The following ACVRL1 variants were observed in gnomAD, a reference collection of about 807,000 sequenced individuals.
ACVRL1 encodes activin A receptor like type 1.
A neutral mutation model predicts 51.9 loss-of-function variants in ACVRL1; 20 were observed. The observed-to-expected ratio is 0.39, with a 90% CI of 0.27 to 0.56. ACVRL1 has a LOEUF of 0.56. ACVRL1 is among the 20% of genes least tolerant of loss of function. ACVRL1 has a pLI of 0.67. For synonymous variants in ACVRL1, 288 were observed against 280.9 expected (o/e 1.03, Z -0.25); for missense variants, 451 against 670.3 (o/e 0.67, Z 3.61).
intron 1 of ACVRL1, among the ~76,000 whole-genome samples, chr12:51,911,059 A>G (rs1356131145): frequency 6.6e-6 from 1 of 152,232 alleles, no homozygotes; most frequent in African/African-American, 2.4e-5. Context: ...CAGCCCTGTC[A>G]GGCTCACCAT....
chr12:51,915,649 GT>G (rs1374673412), intron 7 of ACVRL1, 149 bp downstream of exon 7: 9 of 1,122,854 alleles, frequency 8.0e-6, no homozygotes, highest in Non-Finnish European at 9.9e-6. Context: ...GACCCCACGA[GT>G]TGTCTGAACA....
At chr12:51,914,170 AGGCCTG>A in intron 5 of ACVRL1, 97 bp downstream of exon 5, 2 of 1,373,200 alleles carry the variant, frequency 1.5e-6, no homozygotes, top group South Asian at 2.5e-5. Context: ...AGGCGGTGCC[AGGCCTG>A]GGTCAGAATT....
At chr12:51,914,221 G>A (rs570038858) in intron 5 of ACVRL1, 148 bp downstream of exon 5, 3 of 1,190,444 alleles carry the variant, frequency 2.5e-6, no homozygotes, top group African/African-American at 3.0e-5. Flanking sequence ...GCTGGAGACG[G>A]GCCAGGGCTA....
At chr12:51,919,376 T>C in intron 9 of ACVRL1, 1 of 484,548 alleles carries the variant, frequency 2.1e-6, no homozygotes, top group Non-Finnish European at 3.7e-6. Flanking sequence ...TGTGTGTGTG[T>C]GTGTGTGTGT....
intron 1 of ACVRL1, 38 bp from the exon 2 acceptor site, chr12:51,912,432 C>T: frequency 1.2e-6 from 2 of 1,611,096 alleles, no homozygotes; most frequent in African/African-American, 2.7e-5. Flanking sequence ...TGTCACACTT[C>T]ATGGCTCTTA....
rs943040923 is a variant in ACVRL1 at position 51,913,228 on chromosome 12, A to C, written c.191A>C (p.Gln64Pro). Reference protein sequence around the residue: ...VLVREEGRHPQEHRGCGNLHR... With the variant: ...VLVREEGRHPPEHRGCGNLHR... The stretch of plus-strand genomic sequence containing the variant: ...GTGCGGGAGGAGGGGAGGCACCCCC[A>C]GGAACATCGGGGCTGCGGGAACTTG... Residue 64 changes from glutamine to proline, a missense_variant, in exon 3 of 10, where the codon CAG (glutamine) becomes CCG (proline). Around this residue, in one of 2 missense-constraint regions of ACVRL1, gnomAD observed 192 missense variants for 216.9 expected, o/e 0.89. Transcript: ENST00000388922. 3.8e-6 allele frequency: 6 copies of C among 1,590,178 alleles called. No individual in the cohort carries two copies. The highest frequency in any genetic ancestry group is 5.1e-6 in the Non-Finnish European group (6 of 1,168,754).
rs551439415 is a variant in ACVRL1, at chr12:51,914,704, A to T, written c.772+119A>T. 95 of 704,522 alleles carry T rather than the reference A, an allele frequency of 1.3e-4. No homozygotes were observed. The African/African-American group carries it at 1.6e-3, about 12-fold the overall frequency. The allele number at this position is 704,522 out of a possible 1,614,324, so 43.6% of individuals were successfully genotyped here. On this transcript the variant is annotated intron_variant, in intron 6 of 9. Coordinates refer to ENST00000388922, the MANE Select transcript of ACVRL1 (RefSeq NM_000020.3). Reference sequence around the variant, plus strand: ...GAAGGACTCTCAGCCCACCTGCAGCATCAACCTCTTTTTTTAATTTAATTT... The same window carrying T: ...GAAGGACTCTCAGCCCACCTGCAGCTTCAACCTCTTTTTTTAATTTAATTT...
At chr12:51,915,992 C>T (rs1940828924) in intron 7 of ACVRL1, 44 bp from the exon 8 acceptor site, 1 of 1,590,722 alleles carries the variant, frequency 6.3e-7, no homozygotes, top group Admixed American at 1.7e-5. Flanking sequence ...CCCTGGATCC[C>T]AGGTTTGGGA....
At position 51,919,369 on chromosome 12, in the gene ACVRL1, G is replaced by C. The variant is rs1247462470; in HGVS notation, c.1377+254G>C. 255 of 371,670 alleles carry C rather than the reference G, an allele frequency of 6.9e-4. 2 individuals are homozygous for C. Among genetic ancestry groups the C allele is most frequent in the South Asian group, 3.6e-3 (120 of 33,366 alleles). 23.0% of individuals were successfully genotyped at this position (371,670 alleles called of 1,614,324 possible). On this transcript the variant is annotated intron_variant, in intron 9 of 9. Coordinates refer to ENST00000388922, the MANE Select transcript of ACVRL1 (RefSeq NM_000020.3). ...TCAGAGGCTATCTGTGGCTCTGTGT[G>C]TGTGTGTGTGTGTGTGTGTGTGTGT...
intron 9 of ACVRL1, 59 bp from the exon 10 acceptor site, chr12:51,920,700 C>G: frequency 1.3e-6 from 2 of 1,596,596 alleles, no homozygotes; most frequent in Non-Finnish European, 1.7e-6. Context: ...CGACCCCCTC[C>G]TCTTCTCTGC....
At chr12:51,919,239 C>G (rs1186891885) in intron 9 of ACVRL1, 124 bp downstream of exon 9, 2 of 1,452,626 alleles carry the variant, frequency 1.4e-6, no homozygotes, top group East Asian at 2.4e-5. Flanking sequence ...CTGGTTAGGG[C>G]ACCTCTCTAG....
rs926995429 is a variant in ACVRL1, at chr12:51,917,406, G to T, written c.1246+1173G>T. Among the ~76,000 whole-genome samples the T allele has an allele frequency of 1.3e-5, 2 of 152,354 alleles. No homozygotes were observed. The highest frequency in any genetic ancestry group is 1.9e-4 in the East Asian group (1 of 5,178). Reference sequence around the variant, plus strand: ...CCTGCCCTGGGCAGGCAGCCCTGAGGTCGATGTTCTCTCAGCCCTGGAGTG... The same window carrying T: ...CCTGCCCTGGGCAGGCAGCCCTGAGTTCGATGTTCTCTCAGCCCTGGAGTG... On this transcript the variant is annotated intron_variant, in intron 8 of 9. Coordinates refer to ENST00000388922, the MANE Select transcript of ACVRL1 (RefSeq NM_000020.3). This position sits in a 1 kb window ranked among gnomAD's most constrained non-coding sequence, Gnocchi z 4.2.
At chr12:51,912,740 C>A (rs1463862128) in intron 2 of ACVRL1, among the ~76,000 whole-genome samples, 1 of 152,132 alleles carries the variant, frequency 6.6e-6, no homozygotes, top group Non-Finnish European at 1.5e-5. Flanking sequence ...TCCAGACCTG[C>A]AGGCTGGAGC....
rs1440335625 is a variant in ACVRL1 at position 51,917,919 on chromosome 12, C to T, written c.1247-1066C>T. Among the ~76,000 whole-genome samples the T allele has an allele frequency of 6.6e-6, 1 of 152,172 alleles. No homozygotes were observed. The highest frequency in any genetic ancestry group is 1.5e-5 in the Non-Finnish European group (1 of 68,030). On this transcript the variant is annotated intron_variant, in intron 8 of 9. Coordinates refer to ENST00000388922, the MANE Select transcript of ACVRL1 (RefSeq NM_000020.3). The surrounding 1 kb of genome is among the most constrained non-coding windows in gnomAD (Gnocchi z 4.2). ...TATAAACACTGTAATCTGGTGTCAG[C>T]CCCGGCACTGATTAAAGGCCCATTA...
In ACVRL1 at chr12:51,920,931, T is replaced by TGGGGGGTGGGGGGGGGGGGGGGGGG; in HGVS notation, c.*44_*45insTGGGGGGGGGGGGGGGGGGGGGGGG. 8 of 203,020 alleles carry TGGGGGGTGGGGGGGGGGGGGGGGGG rather than the reference T, an allele frequency of 3.9e-5. No homozygotes were observed. Among genetic ancestry groups the TGGGGGGTGGGGGGGGGGGGGGGGGG allele is most frequent in the East Asian group, 1.4e-4 (1 of 7,390 alleles). 12.6% of individuals were successfully genotyped at this position (203,020 alleles called of 1,614,324 possible). Reference sequence around the variant, plus strand: ...TGATTCCTTTCTGCCTGCAGGGGGCTGGGGGGGTGGGGGGCAGTGGATGGT... The same window carrying TGGGGGGTGGGGGGGGGGGGGGGGGG: ...TGATTCCTTTCTGCCTGCAGGGGGCTGGGGGGTGGGGGGGGGGGGGGGGGGGGGGGGGTGGGGGGCAGTGGATGGT... On this transcript the variant is annotated 3_prime_UTR_variant, in exon 10 of 10. Transcript: ENST00000388922.
intron 3 of ACVRL1, 101 bp from the exon 4 acceptor site, chr12:51,913,458 C>A (rs773300211): frequency 3.5e-6 from 2 of 567,638 alleles, no homozygotes; most frequent in Admixed American, 2.3e-5. Flanking sequence ...GGCGGGGGAG[C>A]GGGTGGGCAG....
chr12:51,919,695 TGTG>T (rs1314834170), intron 9 of ACVRL1, among the ~76,000 whole-genome samples: 1 of 152,210 alleles, frequency 6.6e-6, no homozygotes, highest in Non-Finnish European at 1.5e-5. Flanking sequence ...ACCTGACCAC[TGTG>T]GTATTTTTGT....
At position 51,914,455 on chromosome 12, in the gene ACVRL1, C is replaced by T. The variant is rs139008591; in HGVS notation, c.642C>T (p.Gly214=). Residue 214 remains glycine, a synonymous_variant, in exon 6 of 10, where the codon GGC becomes GGT. Coordinates refer to ENST00000388922, the MANE Select transcript of ACVRL1 (RefSeq NM_000020.3). ...LVECVGKGRY[G]EVWRGLWHGE... is the part of the protein sequence containing the mutation. ...GGCCATCAGGAAAAGGCCGCTATGGCGAAGTGTGGCGGGGCTTGTGGCACG... is the reference window on the plus strand; with the variant it reads ...GGCCATCAGGAAAAGGCCGCTATGGTGAAGTGTGGCGGGGCTTGTGGCACG... The T allele has an allele frequency of 1.2e-4, 188 of 1,614,176 alleles. No homozygotes were observed. In the African/African-American group the frequency reaches 1.3e-3, roughly 12 times the overall value.
At chr12:51,912,433 A>G in intron 1 of ACVRL1, 37 bp from the exon 2 acceptor site, 1 of 1,611,006 alleles carries the variant, frequency 6.2e-7, no homozygotes, top group Non-Finnish European at 8.5e-7. Flanking sequence ...GTCACACTTC[A>G]TGGCTCTTAC....
Sources: allele counts gnomAD v4.1 joint callset (sites outside exome capture counted in the v4.1 genomes callset), GRCh38; gene constraint gnomAD v4.1.1; regional missense constraint gnomAD v4.1.1; non-coding constraint Gnocchi (gnomAD v3.1); transcripts MANE v1.5; gene names NCBI Gene and HGNC (gene_info 2026-07-23, HGNC 2026-07-21).